The following TENM2 variants were observed in gnomAD, a reference collection of about 807,000 sequenced individuals.
The protein encoded by TENM2 is teneurin transmembrane protein 2.
A neutral mutation model predicts 245.2 loss-of-function variants in TENM2; 52 were observed. The observed-to-expected ratio is 0.21, with a 90% CI of 0.17 to 0.27. The LOEUF (loss-of-function observed/expected upper bound fraction) is 0.27. TENM2 is among the 10% of genes least tolerant of loss of function. TENM2 has a pLI of 1.00. For missense variants in TENM2, 3,046 were observed against 3,666.8 expected (o/e 0.83, Z 4.37); for synonymous variants, 1,363 against 1,438.9 (o/e 0.95, Z 1.19).
chr5:167,265,770 C>G, the TENM2 span, among the ~76,000 whole-genome samples: 2 of 152,216 alleles, frequency 1.3e-5, no homozygotes, highest in African/African-American at 4.8e-5. Flanking sequence ...TCACAATTTC[C>G]AAGCACACAT....
At chr5:167,677,740 T>C (rs1370507839) in intron 2 of TENM2, among the ~76,000 whole-genome samples, 1 of 148,898 alleles carries the variant, frequency 6.7e-6, no homozygotes, top group Non-Finnish European at 1.5e-5. Context: ...TATATACTTA[T>C]TATATATTTA....
chr5:167,093,984 T>C, the TENM2 span, among the ~76,000 whole-genome samples: 1 of 152,164 alleles, frequency 6.6e-6, no homozygotes, highest in African/African-American at 2.4e-5. Context: ...TCTAGGAGTA[T>C]GGAATGGCGA....
At chr5:167,708,493 T>C (rs755159433) in intron 2 of TENM2, among the ~76,000 whole-genome samples, 3 of 152,054 alleles carry the variant, frequency 2.0e-5, no homozygotes, top group Admixed American at 6.5e-5. Flanking sequence ...TATTCCTGAG[T>C]TCTAGCCAAT....
At chr5:167,199,725 G>A in the TENM2 span, among the ~76,000 whole-genome samples, 13 of 151,908 alleles carry the variant, frequency 8.6e-5, no homozygotes, top group East Asian at 5.8e-4. Flanking sequence ...TTCTCATATC[G>A]TTTTGACATG....
chr5:167,010,312 G>A, the TENM2 span, among the ~76,000 whole-genome samples: 4 of 152,284 alleles, frequency 2.6e-5, no homozygotes, highest in East Asian at 7.7e-4. Flanking sequence ...GAACCTGGGA[G>A]GCAGAGGTTG....
intron 2 of TENM2, among the ~76,000 whole-genome samples, chr5:167,707,776 G>A (rs770627557): frequency 2.3e-4 from 35 of 152,130 alleles, no homozygotes; most frequent in Non-Finnish European, 8.8e-5. Flanking sequence ...AAGACACATA[G>A]AAACATCTGA....
At chr5:167,726,026 C>A (rs1759979031) in intron 2 of TENM2, among the ~76,000 whole-genome samples, 1 of 152,176 alleles carries the variant, frequency 6.6e-6, no homozygotes, top group Non-Finnish European at 1.5e-5. Flanking sequence ...TTATCACACC[C>A]CATTGTTAGG....
chr5:167,966,135 G>A (rs769019862), intron 4 of TENM2, among the ~76,000 whole-genome samples: 8 of 152,160 alleles, frequency 5.3e-5, no homozygotes, highest in African/African-American at 7.2e-5. Flanking sequence ...GTGGCAACCC[G>A]GATGGTAAAT....
intron 2 of TENM2, among the ~76,000 whole-genome samples, chr5:167,851,039 A>G (rs529856634): frequency 6.6e-6 from 1 of 152,366 alleles, no homozygotes; most frequent in East Asian, 1.9e-4. Flanking sequence ...AAATTTCTCC[A>G]AGGAACCCAG....
At chr5:167,607,630 C>A (rs1215314820) in intron 2 of TENM2, among the ~76,000 whole-genome samples, 1 of 152,224 alleles carries the variant, frequency 6.6e-6, no homozygotes, top group African/African-American at 2.4e-5. Flanking sequence ...GCCGTGCTGG[C>A]ACCCAGTTGG....
chr5:168,201,766 A>G (rs1196546653), intron 17 of TENM2, among the ~76,000 whole-genome samples: 2 of 152,068 alleles, frequency 1.3e-5, no homozygotes, highest in Non-Finnish European at 2.9e-5. Context: ...AAGTTCTTTC[A>G]TCTTTCCTTA....
chr5:167,363,918 A>C (rs1430569424), intron 1 of TENM2, among the ~76,000 whole-genome samples: 1 of 152,072 alleles, frequency 6.6e-6, no homozygotes, highest in East Asian at 1.9e-4. Context: ...AAGCAATATC[A>C]GTTTTATAAA....
In TENM2 at chr5:168,021,407, T is replaced by C. The variant is rs1170042154; in HGVS notation, c.1187-26020T>C. On this transcript the variant is annotated intron_variant, in intron 5 of 28. Coordinates refer to ENST00000518659, the Ensembl canonical transcript of TENM2. ...AAGTGGAGTGACCCATGGTGGCTGT[T>C]CTTACCTCTGGTTTCTCGAGGCATC... Among the ~76,000 whole-genome samples the C allele has an allele frequency of 1.1e-4, 16 of 152,346 alleles. 1 individual carries two copies. In the East Asian group the frequency reaches 3.1e-3, roughly 29 times the overall value.
At chr5:167,519,135 ACT>A (rs1164495824) in intron 2 of TENM2, among the ~76,000 whole-genome samples, 1 of 152,032 alleles carries the variant, frequency 6.6e-6, no homozygotes, top group African/African-American at 2.4e-5. Flanking sequence ...GACATCTAAC[ACT>A]CTGTAACAAA....
intron 2 of TENM2, among the ~76,000 whole-genome samples, chr5:167,660,883 T>G (rs564357450): frequency 1.3e-5 from 2 of 152,352 alleles, no homozygotes; most frequent in Non-Finnish European, 2.9e-5. Flanking sequence ...AACTTCTCTG[T>G]GCCAGTAGCT....
intron 2 of TENM2, among the ~76,000 whole-genome samples, chr5:167,617,998 C>T (rs1037445406): frequency 5.3e-5 from 8 of 152,084 alleles, no homozygotes; most frequent in Non-Finnish European, 1.0e-4. Context: ...CATTAATTGT[C>T]ATTGCTTCAG....
intron 2 of TENM2, among the ~76,000 whole-genome samples, chr5:167,635,633 C>CTTCTTTTTTTTTTTTTTTTTTTTTT (rs1779148757): frequency 1.3e-5 from 1 of 74,962 alleles, no homozygotes; most frequent in Non-Finnish European, 2.3e-5. Context: ...TCAGTACAGT[C>CTTCTTTTTTTTTTTTTTTTTTTTTT]TTTTTTTTTT....
rs1766738288 is a variant in TENM2, at chr5:168,247,880, A to T, written c.6941A>T (p.Asn2314Ile). The T allele has an allele frequency of 6.2e-7, 1 of 1,613,908 alleles. No individual in the cohort carries two copies. Reference sequence around the variant, plus strand: ...GGACGGCGGGCTTCCTACAAGACCAACCTGGGCCACCACCTGCAGTACTTC... The same window carrying T: ...GGACGGCGGGCTTCCTACAAGACCATCCTGGGCCACCACCTGCAGTACTTC... The change falls in exon 27 of 29, where the codon AAC becomes ATC. Residue 2314 changes from asparagine to isoleucine, a missense_variant. Transcript: ENST00000518659. This position sits in a 1 kb window ranked among gnomAD's most constrained non-coding sequence, Gnocchi z 7.8.
intron 2 of TENM2, among the ~76,000 whole-genome samples, chr5:167,522,487 C>G (rs1458605317): frequency 6.6e-6 from 1 of 151,940 alleles, no homozygotes; most frequent in African/African-American, 2.4e-5. Context: ...CCCTCATTTT[C>G]TTTCTCTGGG....
Sources: allele counts gnomAD v4.1 joint callset (sites outside exome capture counted in the v4.1 genomes callset), GRCh38; gene constraint gnomAD v4.1.1; non-coding constraint Gnocchi (gnomAD v3.1); transcripts MANE v1.5; gene names NCBI Gene and HGNC (gene_info 2026-07-23, HGNC 2026-07-21).